STAB2: variants seen among roughly 807,000 people sequenced by gnomAD.
The protein encoded by STAB2 is stabilin 2.
Under a neutral mutation model 338.1 loss-of-function variants are expected in STAB2, and 288 were observed. That is an observed-to-expected ratio of 0.85 (90% CI 0.77 to 0.94). The LOEUF (loss-of-function observed/expected upper bound fraction) is 0.94. STAB2 is among the 40% of genes least tolerant of loss of function. STAB2 has a pLI of 0.00. For synonymous variants in STAB2, 1,202 were observed against 1,193.3 expected, an observed-to-expected ratio of 1.01 and a Z score of -0.15; for missense variants, 3,141 against 3,210.1, an observed-to-expected ratio of 0.98 and a Z score of 0.52.
At chr12:103,722,130 C>T (rs1217561543) in intron 44 of STAB2, among the ~76,000 whole-genome samples, 2 of 152,044 alleles carry the variant, frequency 1.3e-5, no homozygotes, top group Non-Finnish European at 1.5e-5. Context: ...TATTTAAACA[C>T]AGGGGACTGA....
In STAB2 at chr12:103,637,192, G is replaced by T; in HGVS notation, c.665G>T (p.Cys222Phe). The T allele has an allele frequency of 6.2e-7, 1 of 1,612,924 alleles. No homozygotes were observed. Reference sequence around the variant, plus strand: ...ACTGAAGATGAAAACAAACTGGAATGCAAATGCCTTCCCAATTACCGAGGC... The same window carrying T: ...ACTGAAGATGAAAACAAACTGGAATTCAAATGCCTTCCCAATTACCGAGGC... Reference protein sequence around the residue: ...PSTEDENKLECKCLPNYRGDG... With the variant: ...PSTEDENKLEFKCLPNYRGDG... The change falls in exon 7 of 69, where the codon TGC becomes TTC. Residue 222 changes from cysteine to phenylalanine, a missense_variant. Transcript: ENST00000388887.
At position 103,761,410 on chromosome 12, in the gene STAB2, G is replaced by A; in HGVS notation, c.7359G>A (p.Val2453=). 1 of 1,613,142 alleles carries A rather than the reference G, an allele frequency of 6.2e-7. No individual in the cohort carries two copies. Among genetic ancestry groups the A allele is most frequent in the African/African-American group, 1.3e-5 (1 of 74,954 alleles). ...SRPLKAPPAP[V]TLTHTGLGAG... is the part of the protein sequence containing the mutation. ...CTTTAAAAGCACCCCCTGCCCCCGTGGTGAGTATCTAGGGTCCCTGATAAC... is the reference window on the plus strand; with the variant it reads ...CTTTAAAAGCACCCCCTGCCCCCGTAGTGAGTATCTAGGGTCCCTGATAAC... Residue 2453 remains valine, a splice_region_variant and synonymous_variant, in exon 66 of 69, where the codon GTG becomes GTA. Coordinates refer to ENST00000388887, the MANE Select transcript of STAB2 (RefSeq NM_017564.10).
rs565717520 is a variant in STAB2 at position 103,674,055 on chromosome 12, C to T, written c.2520C>T (p.His840=). The change falls in exon 23 of 69, where the codon CAC becomes CAT. Residue 840 remains histidine (H), a synonymous_variant. Coordinates refer to ENST00000388887, the MANE Select transcript of STAB2 (RefSeq NM_017564.10). ...CCTACGTGCAGTTCTGTCACATCCA[C>T]GCCACCTGTGAATACAGCAATGGGA... ...CGPYVQFCHI[H]ATCEYSNGTA... 3.7e-5 allele frequency: 59 copies of T among 1,613,338 alleles called. No homozygotes were observed. The highest frequency in any genetic ancestry group is 6.6e-5 in the South Asian group (6 of 91,072).
At chr12:103,726,629 C>T (rs900242765) in intron 46 of STAB2, among the ~76,000 whole-genome samples, 1 of 152,094 alleles carries the variant, frequency 6.6e-6, no homozygotes, top group African/African-American at 2.4e-5. Context: ...GAAAAGACTC[C>T]CATCACACTG....
intron 30 of STAB2, among the ~76,000 whole-genome samples, chr12:103,691,318 C>A (rs1877917373): frequency 6.6e-6 from 1 of 152,134 alleles, no homozygotes; most frequent in African/African-American, 2.4e-5. Context: ...ACATTTCTAC[C>A]CTCCCACTCA....
chr12:103,652,318 A>G (rs1873802041), intron 11 of STAB2, among the ~76,000 whole-genome samples: 1 of 152,164 alleles, frequency 6.6e-6, no homozygotes, highest in African/African-American at 2.4e-5. Context: ...TAGATTGTGC[A>G]TTGCCTCCAA....
rs34098671 is a variant in STAB2 at position 103,749,675 on chromosome 12, C to CAA, written c.6438+533_6438+534dup. On this transcript the variant is annotated intron_variant, in intron 59 of 68. Transcript: ENST00000388887. ...AAACCCCATGTCTACTAAAAAAATG[C>CAA]AAAAAAAAAAAAAAATTAGCCGGGC... Among the ~76,000 whole-genome samples the CAA allele has an allele frequency of 3.5e-3, 456 of 131,718 alleles. 3 individuals carry two copies. The highest frequency in any genetic ancestry group is 5.3e-3 in the Non-Finnish European group (324 of 61,558). The allele number at this position is 131,718 out of a possible 152,430, so 86.4% of individuals were successfully genotyped here.
At chr12:103,713,957 A>T (rs1880093147) in intron 42 of STAB2, among the ~76,000 whole-genome samples, 189 bp downstream of exon 42, 1 of 152,264 alleles carries the variant, frequency 6.6e-6, no homozygotes, top group African/African-American at 2.4e-5. Flanking sequence ...TCCAAAAATT[A>T]CTTCGGAAGG....
chr12:103,592,227 C>A (rs376957060), intron 2 of STAB2: 3 of 151,682 alleles, frequency 2.0e-5, no homozygotes, highest in Admixed American at 2.0e-4. Flanking sequence ...ACTTGTAACA[C>A]CTTGATTGCT....
chr12:103,759,202 A>G lies in STAB2; in HGVS notation c.7177A>G (p.Asn2393Asp). The change falls in exon 65 of 69, where the codon AAT becomes GAT. Residue 2393 changes from asparagine (N) to aspartate (D), a missense_variant. Transcript: ENST00000388887. ...CATGTTTTTCTACAATGACCTTGTC[A>G]ATGGCACCACCCTGCAAACGAGGCT... ...VSMFFYNDLV[N>D]GTTLQTRLGS... 1 of 1,614,180 alleles carries G rather than the reference A, an allele frequency of 6.2e-7. No individual in the cohort carries two copies. The highest frequency in any genetic ancestry group is 8.5e-7 in the Non-Finnish European group (1 of 1,180,028).
chr12:103,733,441 CCT>C (rs898638207), intron 51 of STAB2, among the ~76,000 whole-genome samples: 3 of 152,142 alleles, frequency 2.0e-5, no homozygotes, highest in African/African-American at 7.2e-5. Context: ...GAGCATCATT[CCT>C]CTCTCTACTG....
At chr12:103,754,591 T>C (rs1593342435) in intron 61 of STAB2, among the ~76,000 whole-genome samples, 1 of 152,000 alleles carries the variant, frequency 6.6e-6, no homozygotes, top group South Asian at 2.1e-4. Flanking sequence ...ATGGTGGTGG[T>C]GATGATGGGG....
chr12:103,637,537 T>C (rs1179275990), intron 7 of STAB2, among the ~76,000 whole-genome samples: 1 of 152,246 alleles, frequency 6.6e-6, no homozygotes, highest in Admixed American at 6.5e-5. Flanking sequence ...CTGTATTATG[T>C]ATCAGTTAAA....
chr12:103,731,231 C>T (rs573804976), intron 49 of STAB2, among the ~76,000 whole-genome samples: 1 of 152,236 alleles, frequency 6.6e-6, no homozygotes, highest in East Asian at 1.9e-4. Flanking sequence ...TATAGATGTC[C>T]CCATTGTGCT....
At chr12:103,619,293 T>C (rs905950834) in intron 3 of STAB2, among the ~76,000 whole-genome samples, 7 of 152,192 alleles carry the variant, frequency 4.6e-5, no homozygotes, top group African/African-American at 1.7e-4. Context: ...TGCTTGCAGG[T>C]CCAGATTTCT....
At chr12:103,696,771 G>GA (rs1388775626) in intron 33 of STAB2, among the ~76,000 whole-genome samples, 1 of 152,156 alleles carries the variant, frequency 6.6e-6, no homozygotes, top group African/African-American at 2.4e-5. Context: ...GGGGGGAGGA[G>GA]AGGAGGGGTG....
In STAB2 at chr12:103,755,702, TC is replaced by T; in HGVS notation, c.6972del (p.Thr2325GlnfsTer4). 1 of 1,614,076 alleles carries T rather than the reference TC, an allele frequency of 6.2e-7. No homozygotes were observed. Among genetic ancestry groups the T allele is most frequent in the Non-Finnish European group, 8.5e-7 (1 of 1,180,014 alleles). ...LLQVLMSFPS[L>X]TNFLTEVLAY... ...CAGGTCCTGATGTCCTTCCCCTCACTCACAAACTTCCTGACGGTATGTACCA... is the reference window on the plus strand; with the variant it reads ...CAGGTCCTGATGTCCTTCCCCTCACTACAAACTTCCTGACGGTATGTACCA... On this transcript the variant is annotated frameshift_variant, in exon 63 of 69. Coordinates refer to ENST00000388887, the MANE Select transcript of STAB2 (RefSeq NM_017564.10). LOFTEE classifies it high-confidence loss of function.
At chr12:103,692,490 A>G (rs1878020883) in intron 30 of STAB2, among the ~76,000 whole-genome samples, 1 of 152,242 alleles carries the variant, frequency 6.6e-6, no homozygotes, top group Admixed American at 6.5e-5. Context: ...TCAATGAAAT[A>G]GCATGGAATA....
At chr12:103,758,340 C>T (rs757525542) in intron 64 of STAB2, 51 bp downstream of exon 64, 33 of 1,604,830 alleles carry the variant, frequency 2.1e-5, no homozygotes, top group Non-Finnish European at 2.7e-5. Flanking sequence ...TTATCTATCA[C>T]CACAACAATG....
Sources: allele counts gnomAD v4.1 joint callset (sites outside exome capture counted in the v4.1 genomes callset), GRCh38; gene constraint gnomAD v4.1.1; transcripts MANE v1.5; gene names NCBI Gene and HGNC (gene_info 2026-07-23, HGNC 2026-07-21).